The following RELN variants were observed in gnomAD, a reference collection of about 807,000 sequenced individuals.
RELN encodes the protein reelin.
Under a neutral mutation model 427.6 loss-of-function variants are expected in RELN, and 108 were observed. The observed-to-expected ratio is 0.25, with a 90% CI of 0.22 to 0.30. The LOEUF is 0.30. Ranked by LOEUF, RELN falls within the 10% of genes least tolerant of loss-of-function variation. The pLI, the probability that RELN is intolerant of heterozygous loss-of-function variation, is 1.00. For synonymous variants in RELN, 1,524 were observed against 1,513.4 expected (o/e 1.01, Z -0.16); for missense variants, 3,715 against 4,302.8 (o/e 0.86, Z 3.82).
At chr7:103,841,238 C>T (rs889185160) in intron 2 of RELN, among the ~76,000 whole-genome samples, 16 of 152,120 alleles carry the variant, frequency 1.1e-4, no homozygotes, top group Non-Finnish European at 1.8e-4. Context: ...TGTGTACAAA[C>T]ATCTTAAAAA....
chr7:103,971,718 T>A (rs1034275202), intron 1 of RELN, among the ~76,000 whole-genome samples: 5 of 152,156 alleles, frequency 3.3e-5, no homozygotes, highest in Admixed American at 1.3e-4. Context: ...AACTTTCAGT[T>A]CTAGGAATGG....
chr7:103,680,088 G>T (rs1833621141), intron 11 of RELN, among the ~76,000 whole-genome samples: 1 of 152,062 alleles, frequency 6.6e-6, no homozygotes, highest in Non-Finnish European at 1.5e-5. Flanking sequence ...GAAGGCCATA[G>T]GTAAAAATAA....
At position 103,542,797 on chromosome 7, in the gene RELN, T is replaced by C; in HGVS notation, c.6605A>G (p.Asn2202Ser). The change falls in exon 43 of 65, where the codon AAC becomes AGC. Residue 2202 changes from asparagine to serine, a missense_variant. This residue lies in a region of RELN where 1,310 missense variants were observed against 1,643.0 expected (regional missense o/e 0.80). Coordinates refer to ENST00000428762, the MANE Select transcript of RELN (RefSeq NM_005045.4). Reference protein sequence around the residue: ...RKCGILSSGNNLFFNEDGLRM... With the variant: ...RKCGILSSGNSLFFNEDGLRM... ...CAAGCCATCTTCATTGAAAAAGAGG[T>C]TGTTTCCACTAGAAAGGATTCCACA... 1.9e-6 allele frequency: 3 copies of C among 1,614,058 alleles called. No homozygotes were observed. The highest frequency in any genetic ancestry group is 2.5e-6 in the Non-Finnish European group (3 of 1,179,998).
At chr7:103,552,936 TATAA>T (rs1193316322) in intron 40 of RELN, among the ~76,000 whole-genome samples, 2 of 152,144 alleles carry the variant, frequency 1.3e-5, no homozygotes, top group Non-Finnish European at 2.9e-5. Context: ...TTTTGAAATA[TATAA>T]ATATTTTTAT....
intron 1 of RELN, among the ~76,000 whole-genome samples, chr7:103,931,228 G>C (rs948602744): frequency 6.6e-6 from 1 of 152,026 alleles, no homozygotes; most frequent in Admixed American, 6.6e-5. Context: ...ACACCTCTAC[G>C]TGTCCAATAT....
chr7:103,631,149 A>G (rs1449850955), intron 19 of RELN, among the ~76,000 whole-genome samples: 1 of 152,024 alleles, frequency 6.6e-6, no homozygotes. Context: ...GACTATCACC[A>G]TTGATTATAC....
intron 12 of RELN, among the ~76,000 whole-genome samples, chr7:103,658,358 T>C (rs546642171): frequency 4.5e-4 from 68 of 152,262 alleles, no homozygotes; most frequent in Middle Eastern, 3.4e-3. Context: ...TAAGGTACTG[T>C]ATTTAGTGAG....
At position 103,752,505 on chromosome 7, in the gene RELN, T is replaced by C. The variant is rs185484741; in HGVS notation, c.577+677A>G. Among the ~76,000 whole-genome samples, 375 of 152,120 alleles carry C rather than the reference T, an allele frequency of 2.5e-3. 1 individual carries two copies. The highest frequency in any genetic ancestry group is 8.3e-3 in the African/African-American group (346 of 41,486). ...GCTTGCTGCAGCCTTGAAATCCTGG[T>C]TTACATGATCCTCCCATCTCAGCCC... On this transcript the variant is annotated intron_variant, in intron 5 of 64. Transcript: ENST00000428762.
At chr7:103,661,338 TG>T (rs1482009877) in intron 12 of RELN, 37 bp downstream of exon 12, 1 of 1,607,562 alleles carries the variant, frequency 6.2e-7, no homozygotes, top group African/African-American at 1.3e-5. Flanking sequence ...GCCTAGGATT[TG>T]CCCCACGGTG....
chr7:103,673,474 GT>G (rs1349379898), intron 11 of RELN, among the ~76,000 whole-genome samples: 1 of 151,936 alleles, frequency 6.6e-6, no homozygotes, highest in Non-Finnish European at 1.5e-5. Flanking sequence ...TTAATTCCAA[GT>G]TTTTATTAAA....
At position 103,603,985 on chromosome 7, in the gene RELN, C is replaced by A. The variant is rs767801545; in HGVS notation, c.3146+361G>T. 8.6e-5 allele frequency among the ~76,000 whole-genome samples: 13 copies of A among 152,014 alleles called. No individual in the cohort carries two copies. Among genetic ancestry groups the A allele is most frequent in the Non-Finnish European group, 1.9e-4 (13 of 68,002 alleles). On this transcript the variant is annotated intron_variant, in intron 23 of 64. Transcript: ENST00000428762. The surrounding 1 kb of genome is among the most constrained non-coding windows in gnomAD (Gnocchi z 4.3). ...AATCACCATCTCCCCATGTATACAA[C>A]CTTGAACTTCTGGTGAAGTGGTGTA...
At chr7:103,480,159 T>C (rs1451808503) in intron 63 of RELN, among the ~76,000 whole-genome samples, 1 of 152,164 alleles carries the variant, frequency 6.6e-6, no homozygotes, top group Admixed American at 6.5e-5. Flanking sequence ...TAATCAAGTG[T>C]TCTGATACAA....
chr7:103,987,010 G>A (rs1584423664), intron 1 of RELN, among the ~76,000 whole-genome samples: 1 of 120,564 alleles, frequency 8.3e-6, no homozygotes. Flanking sequence ...AGCCTAAAAG[G>A]AAAAGAGACA....
chr7:103,512,046 A>G (rs1425187011), intron 50 of RELN, among the ~76,000 whole-genome samples: 3 of 152,140 alleles, frequency 2.0e-5, no homozygotes, highest in African/African-American at 7.2e-5. Context: ...TCCTCTTAAC[A>G]TATGTTCAGT....
intron 2 of RELN, among the ~76,000 whole-genome samples, chr7:103,885,630 G>A (rs1286889058): frequency 4.6e-5 from 7 of 152,050 alleles, no homozygotes; most frequent in African/African-American, 1.4e-4. Flanking sequence ...GGAGAAATAC[G>A]TAATGTAGAT....
Position 103,483,674 on chromosome 7 carries a change from C to T in RELN, c.10160G>A (p.Arg3387Lys), listed in dbSNP as rs886042770. 1 of 1,614,184 alleles carries T rather than the reference C, an allele frequency of 6.2e-7. No homozygotes were observed. The highest frequency in any genetic ancestry group is 2.2e-5 in the East Asian group (1 of 44,872). Residue 3387 changes from arginine (R) to lysine (K), a missense_variant, in exon 62 of 65, where the codon AGA (arginine) becomes AAA (lysine). Coordinates refer to ENST00000428762, the MANE Select transcript of RELN (RefSeq NM_005045.4). The stretch of plus-strand genomic sequence containing the variant: ...TTACAGGGGGACATTGTAAGACACT[C>T]TCTGAGCTTGTGTGAAGTCCTTTGG... ...HQPKDFTQAQRVSYNVPLEAR... is the reference protein window; with the variant it reads ...HQPKDFTQAQKVSYNVPLEAR...
At chr7:103,807,761 C>A (rs1277237383) in intron 3 of RELN, among the ~76,000 whole-genome samples, 1 of 152,152 alleles carries the variant, frequency 6.6e-6, no homozygotes, top group Non-Finnish European at 1.5e-5. Context: ...GGGCCTCCAG[C>A]TGCACCCATG....
chr7:103,554,216 C>G (rs887616364), intron 38 of RELN, among the ~76,000 whole-genome samples: 1 of 147,014 alleles, frequency 6.8e-6, no homozygotes, highest in African/African-American at 2.5e-5. Context: ...CACCCCCCGC[C>G]AAACCCATAT....
chr7:103,701,254 T>C (rs570291191), intron 8 of RELN, among the ~76,000 whole-genome samples: 4 of 152,218 alleles, frequency 2.6e-5, no homozygotes, highest in African/African-American at 9.6e-5. Context: ...GTACATGAAC[T>C]ACTAAATTAA....
Sources: allele counts gnomAD v4.1 joint callset (sites outside exome capture counted in the v4.1 genomes callset), GRCh38; gene constraint gnomAD v4.1.1; regional missense constraint gnomAD v4.1.1; non-coding constraint Gnocchi (gnomAD v3.1); transcripts MANE v1.5; gene names NCBI Gene and HGNC (gene_info 2026-07-23, HGNC 2026-07-21).